PUDP: variants seen among roughly 807,000 people sequenced by gnomAD.
PUDP encodes the protein pseudouridine 5'-phosphatase.
Under a neutral mutation model 9.4 loss-of-function variants are expected in PUDP, and 8 were observed. That is an observed-to-expected ratio of 0.85 (90% CI 0.50 to 1.53). PUDP has a LOEUF of 1.53. Ranked by LOEUF, PUDP falls within the 40% of genes most tolerant of loss-of-function variation. The pLI is 0.00. For missense variants in PUDP, 188 were observed against 189.7 expected, an observed-to-expected ratio of 0.99 and a Z score of 0.05; for synonymous variants, 99 against 80.7, an observed-to-expected ratio of 1.23 and a Z score of -1.22.
intron 1 of PUDP, among the ~76,000 whole-genome samples, chrX:7,022,250 C>T (rs762667033): frequency 8.9e-6 from 1 of 111,812 alleles, no homozygotes; most frequent in East Asian, 2.8e-4. Flanking sequence ...TCTCAGAGCC[C>T]TTCTGTATGT....
intron 3 of PUDP, among the ~76,000 whole-genome samples, chrX:6,817,135 G>A (rs1328757278): frequency 9.2e-6 from 1 of 108,109 alleles, no homozygotes. Context: ...GGAGTGCAGT[G>A]TTGTGATCAT....
chrX:6,858,067 G>A (rs903022993), intron 3 of PUDP, among the ~76,000 whole-genome samples: 4 of 111,584 alleles, frequency 3.6e-5, no homozygotes, highest in African/African-American at 1.3e-4. Context: ...ATTTTCATCT[G>A]CCTGACCTCT....
intron 1 of PUDP, among the ~76,000 whole-genome samples, chrX:6,720,254 G>GTATATATATATA (rs1403562241): frequency 2.3e-4 from 9 of 39,495 alleles, no homozygotes; most frequent in African/African-American, 7.3e-4. Context: ...ATGTGTGTGT[G>GTATATATATATA]TGTGTATATA....
intron 1 of PUDP, among the ~76,000 whole-genome samples, chrX:7,136,053 T>C (rs1427787053): frequency 8.9e-6 from 1 of 111,921 alleles, no homozygotes; most frequent in Non-Finnish European, 1.9e-5. Context: ...CTATGTCCCT[T>C]TAGCCTCTTT....
At chrX:6,754,279 T>C (rs1313133335) in intron 3 of PUDP, among the ~76,000 whole-genome samples, 1 of 111,275 alleles carries the variant, frequency 9.0e-6, no homozygotes, top group Non-Finnish European at 1.9e-5. Context: ...CCAACTTCAC[T>C]GTGCACTTCT....
chrX:6,923,796 T>C (rs186006154), intron 3 of PUDP, among the ~76,000 whole-genome samples: 2 of 111,624 alleles, frequency 1.8e-5, no homozygotes, highest in African/African-American at 6.5e-5. Context: ...CACCTTCTAG[T>C]GGCTCCACGT....
intron 3 of PUDP, among the ~76,000 whole-genome samples, chrX:6,737,837 A>G (rs757741345): frequency 1.8e-5 from 2 of 111,557 alleles, no homozygotes; most frequent in African/African-American, 6.5e-5. Context: ...TACTCCATCA[A>G]CTGGGTTTAG....
Position 6,860,843 on chromosome X carries a change from G to T in PUDP, c.*247+116290C>A, listed in dbSNP as rs759878630. ...TAATGTGTTATCCAAACTCAAGGAAGATATATTAATGACATATCATGATTT... is the reference window on the plus strand; with the variant it reads ...TAATGTGTTATCCAAACTCAAGGAATATATATTAATGACATATCATGATTT... On this transcript the variant is annotated intron_variant and NMD_transcript_variant, in intron 3 of 3. Coordinates refer to the PUDP transcript ENST00000655425. Among the ~76,000 whole-genome samples, 10 of 112,325 alleles carry T rather than the reference G, an allele frequency of 8.9e-5. No individual in the cohort carries two copies. The Admixed American group carries it at 9.4e-4, about 11-fold the overall frequency.
At position 7,145,870 on chromosome X, in the gene PUDP, C is replaced by A. The variant is rs763538012; in HGVS notation, c.61+2183G>T. Among the ~76,000 whole-genome samples the A allele has an allele frequency of 7.2e-5, 8 of 111,827 alleles. No individual in the cohort carries two copies. The South Asian group carries it at 3.0e-3, about 42-fold the overall frequency. On this transcript the variant is annotated intron_variant, in intron 1 of 3. Transcript: ENST00000381077. ...GCATTCAAAATTCCCGAAAAACAGA[C>A]CTATTGTAAAATAACTCATTATAAA...
rs759960771 is a variant in PUDP at position 6,751,613 on chromosome X, T to C, written c.*248-45147A>G. On this transcript the variant is annotated intron_variant and NMD_transcript_variant, in intron 3 of 3. Transcript: ENST00000655425. ...TAAGGAGAATCTCTTGGAAGGAGCTTTGAGATCATTTTTCAAGATAAAAAG... is the reference window on the plus strand; with the variant it reads ...TAAGGAGAATCTCTTGGAAGGAGCTCTGAGATCATTTTTCAAGATAAAAAG... 7.2e-5 allele frequency among the ~76,000 whole-genome samples: 8 copies of C among 111,207 alleles called. No individual in the cohort carries two copies. In the East Asian group the frequency reaches 2.3e-3, roughly 31 times the overall value.
At chrX:6,892,228 T>C (rs1460933026) in intron 3 of PUDP, among the ~76,000 whole-genome samples, 1 of 112,375 alleles carries the variant, frequency 8.9e-6, no homozygotes, top group Non-Finnish European at 1.9e-5. Flanking sequence ...TGGTGTTCCA[T>C]ATTATCATTT....
chrX:6,750,239 T>A (rs1925051336), intron 3 of PUDP, among the ~76,000 whole-genome samples: 1 of 112,232 alleles, frequency 8.9e-6, no homozygotes, highest in Non-Finnish European at 1.9e-5. Flanking sequence ...AATGATTTCA[T>A]CAGATTGAAA....
At chrX:6,900,478 C>T (rs1927662859) in intron 3 of PUDP, among the ~76,000 whole-genome samples, 1 of 100,311 alleles carries the variant, frequency 1.0e-5, no homozygotes, top group African/African-American at 3.6e-5. Flanking sequence ...ATCTGTTTTA[C>T]AAAAGAGCAA....
At chrX:6,846,616 T>C (rs921495199) in intron 3 of PUDP, among the ~76,000 whole-genome samples, 1 of 110,572 alleles carries the variant, frequency 9.0e-6, no homozygotes, top group African/African-American at 3.3e-5. Flanking sequence ...TTGTCATCAG[T>C]TTTGACCTTA....
intron 2 of PUDP, among the ~76,000 whole-genome samples, chrX:7,097,290 G>T (rs777867738): frequency 8.9e-6 from 1 of 111,912 alleles, no homozygotes; most frequent in Non-Finnish European, 1.9e-5. Context: ...TCAACTCATA[G>T]AGCCACAATT....
intron 1 of PUDP, among the ~76,000 whole-genome samples, chrX:6,717,436 G>A (rs747235281): frequency 4.5e-5 from 5 of 111,596 alleles, no homozygotes; most frequent in Non-Finnish European, 3.8e-5. Context: ...CCTCTCTGCT[G>A]TCAGTACCCG....
At chrX:6,944,563 T>C (rs1202512878) in intron 3 of PUDP, among the ~76,000 whole-genome samples, 3 of 102,134 alleles carry the variant, frequency 2.9e-5, no homozygotes. Context: ...TCCAGGCACC[T>C]AGCTGGCCCT....
intron 1 of PUDP, among the ~76,000 whole-genome samples, chrX:6,990,625 C>A (rs886841331): frequency 3.6e-5 from 4 of 112,241 alleles, no homozygotes; most frequent in African/African-American, 1.3e-4. Flanking sequence ...GAGAAGCTGT[C>A]CAGGCTGCAG....
intron 2 of PUDP, among the ~76,000 whole-genome samples, chrX:7,096,891 T>G (rs894538090): frequency 1.8e-5 from 2 of 110,738 alleles, no homozygotes; most frequent in Admixed American, 9.6e-5. Context: ...TGAAGGGATA[T>G]TCTCCCTACT....
Sources: gnomAD v4.1 joint callset for allele counts (sites outside exome capture counted in the v4.1 genomes callset) on GRCh38, gnomAD v4.1.1 for gene constraint, MANE v1.5 for transcripts, NCBI Gene and HGNC (gene_info 2026-07-23, HGNC 2026-07-21) for gene names.